BMPR2: variants seen among roughly 807,000 people sequenced by gnomAD.
BMPR2 encodes the protein bone morphogenetic protein receptor type 2.
Under a neutral mutation model 100.8 loss-of-function variants are expected in BMPR2, and 29 were observed. The observed-to-expected ratio is 0.29, with a 90% CI of 0.21 to 0.39. BMPR2 has a LOEUF of 0.39. BMPR2 is among the 10% of genes least tolerant of loss of function. The pLI is 1.00. For missense variants in BMPR2, 1,011 were observed against 1,274.5 expected (o/e 0.79, Z 3.15); for synonymous variants, 382 against 442.3 (o/e 0.86, Z 1.71).
chr2:202,431,566 G>T (rs1192613286), intron 1 of BMPR2, among the ~76,000 whole-genome samples: 2 of 150,584 alleles, frequency 1.3e-5, no homozygotes, highest in African/African-American at 2.5e-5. Context: ...ATGAATATAT[G>T]ATGGTGGTTT....
At chr2:202,385,745 A>C (rs1690415484) in intron 1 of BMPR2, among the ~76,000 whole-genome samples, 1 of 150,620 alleles carries the variant, frequency 6.6e-6, no homozygotes, top group Non-Finnish European at 1.5e-5. Flanking sequence ...TTTACATAGA[A>C]TAATATAGTC....
intron 3 of BMPR2, among the ~76,000 whole-genome samples, chr2:202,487,719 A>G (rs1029673858): frequency 6.6e-6 from 1 of 152,204 alleles, no homozygotes; most frequent in African/African-American, 2.4e-5. Flanking sequence ...AAGGACAGCA[A>G]ATTATTAAAA....
chr2:202,548,034 G>A lies in BMPR2; in HGVS notation c.1414-4682G>A, dbSNP rs529329050. On this transcript the variant is annotated intron_variant, in intron 10 of 12. Transcript: ENST00000374580. Reference sequence around the variant, plus strand: ...TGGGAGGTGGAGATTGCAGTGAGCCGAGATTGCACCACTGCACTCCAGCCT... The same window carrying A: ...TGGGAGGTGGAGATTGCAGTGAGCCAAGATTGCACCACTGCACTCCAGCCT... 3.3e-5 allele frequency among the ~76,000 whole-genome samples: 5 copies of A among 151,952 alleles called. No individual in the cohort carries two copies. In the East Asian group the frequency reaches 9.7e-4, roughly 29 times the overall value.
chr2:202,453,773 A>G (rs866653049), intron 1 of BMPR2, among the ~76,000 whole-genome samples: 8 of 152,216 alleles, frequency 5.3e-5, no homozygotes, highest in Admixed American at 6.5e-5. Context: ...CAAGGTGACT[A>G]CAGTCAACAA....
Position 202,530,735 on chromosome 2 carries a change from C to A in BMPR2, c.968-59C>A. On this transcript the variant is annotated intron_variant, in intron 7 of 12. Coordinates refer to ENST00000374580, the MANE Select transcript of BMPR2 (RefSeq NM_001204.7). ...TACTACTTCTATATTTATGTATGTT[C>A]ATTTCATGTTCAATAGTCCCTTTTA... The A allele has an allele frequency of 5.6e-6, 8 of 1,424,514 alleles. No homozygotes were observed. In the South Asian group the frequency reaches 9.8e-5, roughly 17 times the overall value. The allele number at this position is 1,424,514 out of a possible 1,614,324, so 88.2% of individuals were successfully genotyped here.
chr2:202,409,620 G>A (rs182896031), intron 1 of BMPR2, among the ~76,000 whole-genome samples: 1 of 152,184 alleles, frequency 6.6e-6, no homozygotes, highest in Admixed American at 6.6e-5. Flanking sequence ...AATCATGCAG[G>A]TCAACCAGGA....
In BMPR2 at chr2:202,478,850, C is replaced by T. The variant is rs149561752; in HGVS notation, c.418+11161C>T. Among the ~76,000 whole-genome samples, 483 of 152,216 alleles carry T rather than the reference C, an allele frequency of 3.2e-3. 2 individuals carry two copies. Among genetic ancestry groups the T allele is most frequent in the African/African-American group, 0.011 (468 of 41,508 alleles). On this transcript the variant is annotated intron_variant, in intron 3 of 12. Transcript: ENST00000374580. ...CTGAGATGGGAGAATTACCTGAGCC[C>T]AGGAAGTCGAGGCTGCAGTGAGCCA...
At chr2:202,397,504 G>T (rs1343571366) in intron 1 of BMPR2, among the ~76,000 whole-genome samples, 118 of 140,082 alleles carry the variant, frequency 8.4e-4, no homozygotes, top group African/African-American at 1.8e-3. Flanking sequence ...GTTTTTTTTT[G>T]TTTTTTTTTT....
chr2:202,432,423 G>A (rs1318835764), intron 1 of BMPR2, among the ~76,000 whole-genome samples: 1 of 150,502 alleles, frequency 6.6e-6, no homozygotes, highest in African/African-American at 2.5e-5. Context: ...TTGGCAATAT[G>A]TGGAGACATT....
intron 11 of BMPR2, among the ~76,000 whole-genome samples, chr2:202,555,007 C>T (rs1048449189): frequency 7.2e-5 from 11 of 152,054 alleles, no homozygotes; most frequent in Admixed American, 2.0e-4. Flanking sequence ...AAATAATGAA[C>T]ATTTATAAAA....
chr2:202,487,831 C>T (rs920258431), intron 3 of BMPR2, among the ~76,000 whole-genome samples: 4 of 152,150 alleles, frequency 2.6e-5, no homozygotes, highest in African/African-American at 9.7e-5. Context: ...TGGCCCCACC[C>T]TCAAGATTTT....
chr2:202,388,170 G>A lies in BMPR2; in HGVS notation c.76+10620G>A, dbSNP rs148581514. 6.3e-3 allele frequency among the ~76,000 whole-genome samples: 954 copies of A among 152,018 alleles called. 13 individuals carry two copies. The highest frequency in any genetic ancestry group is 0.021 in the African/African-American group (889 of 41,466). On this transcript the variant is annotated intron_variant, in intron 1 of 12. Transcript: ENST00000374580. ...CCAGCACTTTGGGAGGCCGAGGTGG[G>A]TGGATTAACTGAGATCAGGAGTTTG...
At chr2:202,467,944 G>A (rs1195876490) in intron 3 of BMPR2, among the ~76,000 whole-genome samples, 2 of 152,016 alleles carry the variant, frequency 1.3e-5, no homozygotes, top group Non-Finnish European at 2.9e-5. Flanking sequence ...CTACTCAGGA[G>A]GCTGAGACAG....
intron 1 of BMPR2, among the ~76,000 whole-genome samples, chr2:202,413,200 C>T (rs1429297295): frequency 6.6e-6 from 1 of 152,138 alleles, no homozygotes; most frequent in African/African-American, 2.4e-5. Context: ...CCATATTTTT[C>T]TCATTTTTGT....
At chr2:202,558,205 C>T (rs1195957430) in intron 12 of BMPR2, among the ~76,000 whole-genome samples, 4 of 152,186 alleles carry the variant, frequency 2.6e-5, no homozygotes, top group Non-Finnish European at 2.9e-5. Context: ...CTCTGCCTCC[C>T]GGGTTCAAGT....
At chr2:202,460,537 T>C (rs188305965) in intron 1 of BMPR2, among the ~76,000 whole-genome samples, 16 of 152,064 alleles carry the variant, frequency 1.1e-4, no homozygotes, top group Admixed American at 9.2e-4. Context: ...ATAGAAAAAA[T>C]AAAATTAGTG....
In BMPR2 at chr2:202,562,198, T is replaced by A. The variant is rs934757487; in HGVS notation, c.*2252T>A. On this transcript the variant is annotated 3_prime_UTR_variant, in exon 13 of 13. Coordinates refer to ENST00000374580, the MANE Select transcript of BMPR2 (RefSeq NM_001204.7). ...ATGACCATTTGAGGTCTAACTGATC[T>A]TTTCCTGCCAGAAGAGTTATCTTAC... 2 of 152,428 alleles carry A rather than the reference T, an allele frequency of 1.3e-5. No individual in the cohort carries two copies. The highest frequency in any genetic ancestry group is 2.9e-5 in the Non-Finnish European group (2 of 67,998). 9.4% of individuals were successfully genotyped at this position (152,428 alleles called of 1,614,324 possible).
At chr2:202,405,033 G>C (rs929856126) in intron 1 of BMPR2, among the ~76,000 whole-genome samples, 2 of 151,890 alleles carry the variant, frequency 1.3e-5, no homozygotes, top group Non-Finnish European at 2.9e-5. Context: ...ATGTTGCCCA[G>C]GATGGTATCA....
chr2:202,377,134 A>G lies in BMPR2; in HGVS notation c.-341A>G. On this transcript the variant is annotated 5_prime_UTR_variant, in exon 1 of 13. It adds an upstream start codon to the 5' untranslated region. Transcript: ENST00000374580. ...GATATGTTTTCTCCCAGACCTGGAT[A>G]TTTTTTTGATATCGTGAAACTACGA... 1 of 580,466 alleles carries G rather than the reference A, an allele frequency of 1.7e-6. No individual in the cohort carries two copies. The highest frequency in any genetic ancestry group is 2.2e-5 in the South Asian group (1 of 46,182). 36.0% of individuals were successfully genotyped at this position (580,466 alleles called of 1,614,324 possible).
Sources: gnomAD v4.1 joint callset for allele counts (sites outside exome capture counted in the v4.1 genomes callset) on GRCh38, gnomAD v4.1.1 for gene constraint, MANE v1.5 for transcripts, NCBI Gene and HGNC (gene_info 2026-07-23, HGNC 2026-07-21) for gene names.